The following GNAQ variants were observed in gnomAD, a reference collection of about 807,000 sequenced individuals.
The protein encoded by GNAQ is guanine nucleotide-binding protein G(q) subunit alpha.
Under a neutral mutation model 43.9 loss-of-function variants are expected in GNAQ, and 8 were observed. The observed-to-expected ratio is 0.18, with a 90% CI of 0.11 to 0.33. The LOEUF is 0.33. Ranked by LOEUF, GNAQ falls within the 10% of genes least tolerant of loss-of-function variation. The pLI is 1.00. For synonymous variants in GNAQ, 155 were observed against 170.7 expected, an observed-to-expected ratio of 0.91 and a Z score of 0.71; for missense variants, 158 against 450.8, an observed-to-expected ratio of 0.35 and a Z score of 5.88.
chr9:77,929,126 A>C (rs1397950188), intron 1 of GNAQ, among the ~76,000 whole-genome samples: 1 of 152,192 alleles, frequency 6.6e-6, no homozygotes, highest in Admixed American at 6.5e-5. Flanking sequence ...GTTTATGTGA[A>C]TTTTCATGCT....
chr9:77,804,553 C>T lies in GNAQ; in HGVS notation c.477-6905G>A, dbSNP rs10119538. 3.6e-3 allele frequency among the ~76,000 whole-genome samples: 544 copies of T among 152,224 alleles called. 4 individuals are homozygous for T. The highest frequency in any genetic ancestry group is 0.013 in the African/African-American group (524 of 41,536). Reference sequence around the variant, plus strand: ...ATTAAAGTTAGAGGCATACAACCCTCAGTAATCACACCAAAAGGCAAAAAG... The same window carrying T: ...ATTAAAGTTAGAGGCATACAACCCTTAGTAATCACACCAAAAGGCAAAAAG... On this transcript the variant is annotated intron_variant, in intron 3 of 6. Transcript: ENST00000286548.
intron 5 of GNAQ, among the ~76,000 whole-genome samples, chr9:77,754,106 G>A (rs542132535): frequency 6.0e-4 from 91 of 152,292 alleles, no homozygotes; most frequent in Admixed American, 2.3e-3. Context: ...TAGCCTCAGC[G>A]TGGATGGCAC....
At chr9:78,013,561 A>G (rs569943259) in intron 1 of GNAQ, among the ~76,000 whole-genome samples, 254 of 151,976 alleles carry the variant, frequency 1.7e-3, no homozygotes, top group African/African-American at 5.8e-3. Context: ...TATATATCCA[A>G]TGTTGCCTCT....
At chr9:77,724,853 A>G (rs1433704881) in intron 6 of GNAQ, among the ~76,000 whole-genome samples, 3 of 152,176 alleles carry the variant, frequency 2.0e-5, no homozygotes, top group Non-Finnish European at 4.4e-5. Context: ...ATTAAAAACA[A>G]TATGTAAAGT....
chr9:77,749,759 A>G (rs1825783384), intron 5 of GNAQ, among the ~76,000 whole-genome samples: 1 of 152,154 alleles, frequency 6.6e-6, no homozygotes, highest in African/African-American at 2.4e-5. Context: ...TAAAACTAAC[A>G]TTTCATGAAA....
intron 5 of GNAQ, among the ~76,000 whole-genome samples, chr9:77,791,844 C>T (rs1564111767): frequency 6.6e-6 from 1 of 152,086 alleles, no homozygotes; most frequent in East Asian, 1.9e-4. Context: ...ACAAAGTCTG[C>T]TTTGGATTAA....
intron 1 of GNAQ, among the ~76,000 whole-genome samples, chr9:78,026,650 TCAGGCAATCAACATACCCACTC>T (rs1375501932): frequency 6.6e-6 from 1 of 152,070 alleles, no homozygotes; most frequent in Non-Finnish European, 1.5e-5. Flanking sequence ...CTAGGTTAAT[TCAGGCAATCAACATACCCACTC>T]CAGTGAACCC....
chr9:77,799,462 C>G (rs1256908577), intron 3 of GNAQ, among the ~76,000 whole-genome samples: 2 of 152,116 alleles, frequency 1.3e-5, no homozygotes, highest in Non-Finnish European at 2.9e-5. Flanking sequence ...GAATGCCAGA[C>G]AAATAGAACT....
At chr9:77,862,404 A>C (rs1302418295) in intron 2 of GNAQ, among the ~76,000 whole-genome samples, 1 of 151,972 alleles carries the variant, frequency 6.6e-6, no homozygotes, top group Non-Finnish European at 1.5e-5. Context: ...AGGTTCCCAA[A>C]CCTCAATTCT....
chr9:77,985,724 T>C (rs1481181831), intron 1 of GNAQ, among the ~76,000 whole-genome samples: 2 of 151,978 alleles, frequency 1.3e-5, no homozygotes, highest in Non-Finnish European at 2.9e-5. Context: ...GTAGCTGGGA[T>C]TACAGGCATG....
At chr9:77,921,766 C>CT (rs1326634315) in intron 2 of GNAQ, among the ~76,000 whole-genome samples, 1 of 152,136 alleles carries the variant, frequency 6.6e-6, no homozygotes, top group Admixed American at 6.5e-5. Context: ...TGTTTTCACT[C>CT]TTTTTTCAAT....
chr9:77,863,038 G>A (rs1827880585), intron 2 of GNAQ, among the ~76,000 whole-genome samples: 2 of 152,318 alleles, frequency 1.3e-5, no homozygotes, highest in South Asian at 2.1e-4. Flanking sequence ...GCCGGGTGTG[G>A]TGGCACATGC....
At chr9:77,844,831 C>A (rs965645056) in intron 2 of GNAQ, among the ~76,000 whole-genome samples, 11 of 144,090 alleles carry the variant, frequency 7.6e-5, no homozygotes, top group Admixed American at 1.4e-4. Context: ...TGCCACCATG[C>A]CCAGCTAATT....
chr9:77,893,917 C>T (rs1828445581), intron 2 of GNAQ, among the ~76,000 whole-genome samples: 1 of 152,068 alleles, frequency 6.6e-6, no homozygotes, highest in African/African-American at 2.4e-5. Flanking sequence ...TGTCTGACAC[C>T]TTCTTCCTCC....
At chr9:77,863,685 A>T (rs1030246329) in intron 2 of GNAQ, among the ~76,000 whole-genome samples, 34 of 19,098 alleles carry the variant, frequency 1.8e-3, no homozygotes, top group Non-Finnish European at 5.3e-3. Flanking sequence ...GCCATTTATA[A>T]AAAAAAAGAG....
At chr9:77,892,719 T>C (rs1275322114) in intron 2 of GNAQ, among the ~76,000 whole-genome samples, 1 of 152,308 alleles carries the variant, frequency 6.6e-6, no homozygotes, top group East Asian at 1.9e-4. Flanking sequence ...ATGCTACTCA[T>C]TCTCACTTGA....
At chr9:77,855,431 G>T (rs144603697) in intron 2 of GNAQ, among the ~76,000 whole-genome samples, 1 of 151,930 alleles carries the variant, frequency 6.6e-6, no homozygotes, top group Non-Finnish European at 1.5e-5. Context: ...GTTTTAAATC[G>T]CAGTTCCCCA....
chr9:77,941,471 G>A (rs979282383), intron 1 of GNAQ, among the ~76,000 whole-genome samples: 7 of 151,988 alleles, frequency 4.6e-5, no homozygotes, highest in African/African-American at 1.5e-4. Context: ...GGATGGTCTC[G>A]ATCTCCTGAC....
intron 1 of GNAQ, among the ~76,000 whole-genome samples, chr9:77,923,896 T>C (rs1021385423): frequency 2.5e-4 from 38 of 152,186 alleles, no homozygotes; most frequent in Non-Finnish European, 5.3e-4. Context: ...TTCATTTTGT[T>C]TTTCTGATGG....
Sources: allele counts gnomAD v4.1 joint callset (sites outside exome capture counted in the v4.1 genomes callset), GRCh38; gene constraint gnomAD v4.1.1; transcripts MANE v1.5; gene names NCBI Gene and HGNC (gene_info 2026-07-23, HGNC 2026-07-21).